RTTN: variants seen among roughly 807,000 people sequenced by gnomAD.
The protein encoded by RTTN is rotatin.
Under a neutral mutation model 269.2 loss-of-function variants are expected in RTTN, and 182 were observed. The observed-to-expected ratio is 0.68, with a 90% CI of 0.60 to 0.76. The LOEUF (loss-of-function observed/expected upper bound fraction) is 0.76. Ranked by LOEUF, RTTN falls within the 30% of genes least tolerant of loss-of-function variation. RTTN has a pLI of 0.00. For synonymous variants in RTTN, 1,006 were observed against 963.5 expected (o/e 1.04, Z -0.82); for missense variants, 2,545 against 2,608.6 (o/e 0.98, Z 0.53).
intron 45 of RTTN, among the ~76,000 whole-genome samples, chr18:70,020,407 G>C (rs2056667956): frequency 6.6e-6 from 1 of 152,126 alleles, no homozygotes; most frequent in Admixed American, 6.5e-5. Context: ...GAAGGAAATG[G>C]TATGACTCTA....
At chr18:70,193,609 A>G (rs1156967752) in intron 7 of RTTN, among the ~76,000 whole-genome samples, 156 bp from the exon 8 acceptor site, 6 of 152,378 alleles carry the variant, frequency 3.9e-5, no homozygotes, top group East Asian at 1.9e-4. Flanking sequence ...AAACTTTTCT[A>G]TAAGTATTCA....
At chr18:70,006,740 G>A in intron 46 of RTTN, 5 of 390,380 alleles carry the variant, frequency 1.3e-5, no homozygotes, top group East Asian at 4.4e-5. Context: ...TTCAAGAAAA[G>A]GCACATTCAT....
At chr18:70,162,940 A>C (rs2060878260) in intron 14 of RTTN, among the ~76,000 whole-genome samples, 2 of 150,830 alleles carry the variant, frequency 1.3e-5, no homozygotes, top group Non-Finnish European at 1.5e-5. Flanking sequence ...AAAAAGAACA[A>C]GTCAGTTAAA....
At chr18:70,077,873 A>C (rs1774297668) in intron 32 of RTTN, among the ~76,000 whole-genome samples, 1 of 151,876 alleles carries the variant, frequency 6.6e-6, no homozygotes, top group South Asian at 2.1e-4. Flanking sequence ...ATATCATAGA[A>C]AATAGTGCAA....
intron 40 of RTTN, among the ~76,000 whole-genome samples, chr18:70,038,996 A>G (rs1252544103): frequency 1.3e-5 from 2 of 152,234 alleles, no homozygotes; most frequent in African/African-American, 4.8e-5. Flanking sequence ...AAGAATTAGT[A>G]AACTTGAAGG....
intron 15 of RTTN, among the ~76,000 whole-genome samples, chr18:70,150,374 A>C (rs1400031772): frequency 6.6e-6 from 1 of 152,184 alleles, no homozygotes; most frequent in African/African-American, 2.4e-5. Flanking sequence ...CTTAGATGAA[A>C]AATGTAAGTA....
At chr18:70,151,747 C>A (rs1204397713) in intron 14 of RTTN, among the ~76,000 whole-genome samples, 1 of 152,114 alleles carries the variant, frequency 6.6e-6, no homozygotes, top group Non-Finnish European at 1.5e-5. Context: ...CTTCTGAAAC[C>A]AAGATTTACT....
intron 48 of RTTN, among the ~76,000 whole-genome samples, chr18:70,004,585 C>G (rs1043266878): frequency 6.6e-6 from 1 of 151,088 alleles, no homozygotes; most frequent in African/African-American, 2.4e-5. Context: ...AATTCATGGT[C>G]GCAGCTAAAA....
intron 14 of RTTN, among the ~76,000 whole-genome samples, chr18:70,152,237 C>A (rs953407336): frequency 6.6e-6 from 1 of 152,064 alleles, no homozygotes; most frequent in African/African-American, 2.4e-5. Flanking sequence ...AAATTTTATA[C>A]CTAATCTGGG....
chr18:70,127,530 A>T lies in RTTN; in HGVS notation c.3355T>A (p.Ser1119Thr), dbSNP rs1298347271. ...CPGPCGVTLK[S>T]LAWHTALNRF... ...TTTAGTGCGGTGTGCCAAGCCAAGG[A>T]CTTCAAGGTAACCCCACATGGACCA... The change falls in exon 25 of 49, where the codon TCC (serine) becomes ACC (threonine). Residue 1119 changes from serine to threonine, a missense_variant. Physicochemically the swap from Ser to Thr is moderately conservative, Grantham distance 58. Transcript: ENST00000640769. 1.2e-6 allele frequency: 2 copies of T among 1,613,476 alleles called. No individual in the cohort carries two copies. Among genetic ancestry groups the T allele is most frequent in the Non-Finnish European group, 1.7e-6 (2 of 1,179,688 alleles).
chr18:70,070,239 G>C lies in RTTN; in HGVS notation c.4653+3667C>G, dbSNP rs529525773. On this transcript the variant is annotated intron_variant, in intron 34 of 48. Transcript: ENST00000640769. ...GTAATCTAAGAGCACAAATTTCCAA[G>C]AGCTTGTCTCACTTGTATTTTCCTC... is the stretch of plus-strand genomic sequence containing the variant. Among the ~76,000 whole-genome samples, 79 of 152,324 alleles carry C rather than the reference G, an allele frequency of 5.2e-4. 4 individuals are homozygous for C. In the South Asian group the frequency reaches 0.016, roughly 31 times the overall value.
At chr18:70,095,719 C>G (rs1233332524) in intron 28 of RTTN, among the ~76,000 whole-genome samples, 1 of 151,876 alleles carries the variant, frequency 6.6e-6, no homozygotes, top group Admixed American at 6.6e-5. Flanking sequence ...CTCTGGCTGC[C>G]CTTAATATAT....
intron 1 of RTTN, 138 bp downstream of exon 1, chr18:70,205,490 C>CG: frequency 1.5e-6 from 2 of 1,346,062 alleles, no homozygotes; most frequent in Non-Finnish European, 2.1e-6. Context: ...GATGGGTCCC[C>CG]GGGGGCTATC....
intron 43 of RTTN, among the ~76,000 whole-genome samples, chr18:70,026,770 G>A (rs754407791): frequency 7.9e-5 from 12 of 151,858 alleles, no homozygotes; most frequent in Admixed American, 2.0e-4. Flanking sequence ...ATACTTTCTT[G>A]GGAAATTTCA....
intron 3 of RTTN, among the ~76,000 whole-genome samples, chr18:70,203,375 G>T (rs960216940): frequency 6.6e-6 from 1 of 151,976 alleles, no homozygotes; most frequent in African/African-American, 2.4e-5. Context: ...GCTAATTTTT[G>T]TATTGTATTT....
chr18:70,024,864 A>G lies in RTTN; in HGVS notation c.5824-16T>C, dbSNP rs2056809504. ...GAGCTGCTTCCTGTTGAAGGAAGGG[A>G]AAAAGACAGCATTAGTCTGAATATA... On this transcript the variant is annotated splice_polypyrimidine_tract_variant and intron_variant, in intron 43 of 48. Transcript: ENST00000640769. 3.1e-6 allele frequency: 5 copies of G among 1,610,404 alleles called. No homozygotes were observed. Among genetic ancestry groups the G allele is most frequent in the Non-Finnish European group, 4.2e-6 (5 of 1,178,330 alleles).
intron 34 of RTTN, among the ~76,000 whole-genome samples, chr18:70,067,000 G>T (rs76076062): frequency 0.036 from 5,466 of 152,126 alleles, 342 homozygotes; most frequent in African/African-American, 0.13. Context: ...CAAGAAATAA[G>T]TGAGAAAGCT....
At chr18:70,012,336 G>A (rs535752124) in intron 46 of RTTN, among the ~76,000 whole-genome samples, 1 of 150,368 alleles carries the variant, frequency 6.7e-6, no homozygotes, top group African/African-American at 2.4e-5. Context: ...TTAGAAGGCA[G>A]TGTCTGCTCA....
chr18:70,035,198 G>C (rs2057134076), intron 40 of RTTN, among the ~76,000 whole-genome samples: 1 of 152,092 alleles, frequency 6.6e-6, no homozygotes, highest in South Asian at 2.1e-4. Flanking sequence ...ATTCTTCATA[G>C]AACTAGAAAA....
Sources: allele counts gnomAD v4.1 joint callset (sites outside exome capture counted in the v4.1 genomes callset), GRCh38; gene constraint gnomAD v4.1.1; transcripts MANE v1.5; gene names NCBI Gene and HGNC (gene_info 2026-07-23, HGNC 2026-07-21).